Variants in UBE4A observed in about 807,000 individuals in gnomAD.
The protein encoded by UBE4A is ubiquitination factor E4A.
In UBE4A, 48 loss-of-function variants were observed where a neutral mutation model predicts 117.9. That is an observed-to-expected ratio of 0.41 (90% CI 0.32 to 0.52). UBE4A has a LOEUF of 0.52. UBE4A is among the 20% of genes least tolerant of loss of function. The pLI, the probability that UBE4A is intolerant of heterozygous loss-of-function variation, is 0.33. For missense variants in UBE4A, 1,067 were observed against 1,296.3 expected (o/e 0.82, Z 2.72); for synonymous variants, 407 against 450.0 (o/e 0.90, Z 1.21).
chr11:118,372,458 C>G (rs1186921716), intron 5 of UBE4A, 49 bp from the exon 6 acceptor site: 2 of 1,553,700 alleles, frequency 1.3e-6, no homozygotes, highest in Non-Finnish European at 1.7e-6. Context: ...TACTTTCGTT[C>G]CAGATTACAG....
chr11:118,371,684 A>G lies in UBE4A; in HGVS notation c.561+18A>G, dbSNP rs1463301773. On this transcript the variant is annotated intron_variant, in intron 5 of 19. Transcript: ENST00000252108. ...AGGAAGAGGTAAAGGAATAATCCCC[A>G]TTGAATACTGTATTGTCCTCTTGGG... 2.5e-6 allele frequency: 4 copies of G among 1,605,832 alleles called. No individual in the cohort carries two copies. Among genetic ancestry groups the G allele is most frequent in the African/African-American group, 2.7e-5 (2 of 74,808 alleles).
chr11:118,377,083 GATA>G (rs1169195486), intron 10 of UBE4A, among the ~76,000 whole-genome samples: 1 of 152,124 alleles, frequency 6.6e-6, no homozygotes, highest in East Asian at 1.9e-4. Context: ...GAGTCTTACA[GATA>G]TAATCTGAGC....
intron 13 of UBE4A, 119 bp downstream of exon 13, chr11:118,382,895 A>T: frequency 1.1e-6 from 1 of 915,260 alleles, no homozygotes; most frequent in Non-Finnish European, 1.5e-6. Context: ...AATACCTACT[A>T]TATGCCAGGC....
At chr11:118,363,298 T>C (rs1192388484) in intron 1 of UBE4A, among the ~76,000 whole-genome samples, 1 of 152,162 alleles carries the variant, frequency 6.6e-6, no homozygotes, top group Admixed American at 6.5e-5. Flanking sequence ...TTCCAGCACT[T>C]TGGGAGGCCG....
In UBE4A at chr11:118,384,947, T is replaced by TAAA. The variant is rs370025001; in HGVS notation, c.2412+21_2412+23dup. The TAAA allele has an allele frequency of 1.2e-4, 132 of 1,066,970 alleles. No homozygotes were observed. Among genetic ancestry groups the TAAA allele is most frequent in the South Asian group, 1.8e-4 (12 of 66,092 alleles). The allele number at this position is 1,066,970 out of a possible 1,614,324, so 66.1% of individuals were successfully genotyped here. On this transcript the variant is annotated splice_region_variant and intron_variant, in intron 15 of 19. Coordinates refer to ENST00000252108, the MANE Select transcript of UBE4A (RefSeq NM_001204077.2). Reference sequence around the variant, plus strand: ...TTCCTTTTGGATGAAGCCATACAGGTAAAAAAAAAAAAAAAAAAAAAGATT... The same window carrying TAAA: ...TTCCTTTTGGATGAAGCCATACAGGTAAAAAAAAAAAAAAAAAAAAAAAAGATT...
chr11:118,371,615 G>A lies in UBE4A; in HGVS notation c.510G>A (p.Glu170=). 6.2e-7 allele frequency: 1 copy of A among 1,613,812 alleles called. No homozygotes were observed. The highest frequency in any genetic ancestry group is 8.5e-7 in the Non-Finnish European group (1 of 1,180,008). ...LNLSADRDAG[E]RHIFCYLYSC... is the part of the protein sequence containing the mutation. Reference sequence around the variant, plus strand: ...TCTCTGCTGATCGAGATGCAGGAGAGAGGCACATTTTTTGTTACCTTTACT... The same window carrying A: ...TCTCTGCTGATCGAGATGCAGGAGAAAGGCACATTTTTTGTTACCTTTACT... Residue 170 remains glutamate, a synonymous_variant, in exon 5 of 20, where the codon GAG becomes GAA. Transcript: ENST00000252108.
intron 2 of UBE4A, among the ~76,000 whole-genome samples, chr11:118,368,168 GA>G (rs1403456825): frequency 6.6e-6 from 1 of 152,050 alleles, no homozygotes; most frequent in Non-Finnish European, 1.5e-5. Flanking sequence ...CACCAGAAAA[GA>G]AAAAAATTCT....
At position 118,373,127 on chromosome 11, in the gene UBE4A, G is replaced by C. The variant is rs1289642481; in HGVS notation, c.763G>C (p.Ala255Pro). ...VTEFLEEVIE[A>P]LILDEEVRTF... ...TGAGTTTCTGGAAGAGGTCATTGAA[G>C]CCTTGATATTGGATGAGGAAGTTAG... The change falls in exon 7 of 20, where the codon GCC (alanine) becomes CCC (proline). Residue 255 changes from alanine to proline, a missense_variant. By Grantham distance (27) the Ala-to-Pro change is conservative (BLOSUM62 -1). Coordinates refer to ENST00000252108, the MANE Select transcript of UBE4A (RefSeq NM_001204077.2). The C allele has an allele frequency of 6.2e-7, 1 of 1,613,974 alleles. No individual in the cohort carries two copies. Among genetic ancestry groups the C allele is most frequent in the Non-Finnish European group, 8.5e-7 (1 of 1,180,014 alleles).
rs782763821 is a variant in UBE4A, at chr11:118,376,564, CTTCT to C, written c.1451-7_1451-4del. On this transcript the variant is annotated splice_region_variant and splice_polypyrimidine_tract_variant and intron_variant, in intron 9 of 19. Transcript: ENST00000252108. Reference sequence around the variant, plus strand: ...CATTTACCCTCTTTTTTTTTTTTAACTTCTTTGAGGTTTGGACAAAGAAACCTGT... The same window carrying C: ...CATTTACCCTCTTTTTTTTTTTTAACTTGAGGTTTGGACAAAGAAACCTGT... 1.9e-6 allele frequency: 3 copies of C among 1,583,240 alleles called. No individual in the cohort carries two copies. The African/African-American group carries it at 4.1e-5, about 22-fold the overall frequency.
chr11:118,397,832 C>T lies in UBE4A; in HGVS notation c.*1392C>T, dbSNP rs1346088389. The stretch of plus-strand genomic sequence containing the variant: ...TTCAACACAAGTTGCTATAAGCAGT[C>T]CTTGATGGGTTTTTGATTGCATCAG... On this transcript the variant is annotated 3_prime_UTR_variant, in exon 20 of 20. Transcript: ENST00000252108. The T allele has an allele frequency of 6.6e-6, 1 of 152,086 alleles. No homozygotes were observed. The highest frequency in any genetic ancestry group is 6.6e-5 in the Admixed American group (1 of 15,266). The allele number at this position is 152,086 out of a possible 1,614,324, so 9.4% of individuals were successfully genotyped here.
At chr11:118,382,526 G>C in intron 12 of UBE4A, 63 bp from the exon 13 acceptor site, 1 of 1,372,770 alleles carries the variant, frequency 7.3e-7, no homozygotes, top group South Asian at 1.8e-5. Flanking sequence ...TATGTGGAGA[G>C]AACAGAGTCA....
chr11:118,392,051 A>G (rs1948824099), intron 18 of UBE4A, among the ~76,000 whole-genome samples: 1 of 152,214 alleles, frequency 6.6e-6, no homozygotes. Flanking sequence ...TAAAGATTAA[A>G]ATACTATATT....
chr11:118,379,562 G>A lies in UBE4A; in HGVS notation c.1688G>A (p.Arg563Gln), dbSNP rs1270456780. The change falls in exon 11 of 20, where the codon CGA (arginine) becomes CAA (glutamine). Residue 563 changes from arginine to glutamine, a missense_variant. By Grantham distance (43) the Arg-to-Gln change is conservative. Transcript: ENST00000252108. Reference sequence around the variant, plus strand: ...GACAATCTTCGTGAGCAGTTTGAACGACTGATGACCATCTATCTTTCTACC... The same window carrying A: ...GACAATCTTCGTGAGCAGTTTGAACAACTGATGACCATCTATCTTTCTACC... The part of the protein sequence containing the change: ...AADNLREQFE[R>Q]LMTIYLSTKT... 8 of 1,614,088 alleles carry A rather than the reference G, an allele frequency of 5.0e-6. No homozygotes were observed. The highest frequency in any genetic ancestry group is 3.3e-5 in the Admixed American group (2 of 60,006).
At chr11:118,363,741 C>A (rs1948540710) in intron 1 of UBE4A, among the ~76,000 whole-genome samples, 2 of 152,066 alleles carry the variant, frequency 1.3e-5, no homozygotes, top group African/African-American at 4.8e-5. Context: ...CCTCCTGCCT[C>A]CCAAGTAGCT....
intron 1 of UBE4A, among the ~76,000 whole-genome samples, chr11:118,364,344 TA>T (rs1948546023): frequency 6.6e-6 from 1 of 152,136 alleles, no homozygotes; most frequent in Non-Finnish European, 1.5e-5. Context: ...AGTATTATTT[TA>T]AGAAATCAGG....
Position 118,379,866 on chromosome 11 carries a change from G to C in UBE4A, c.1876+116G>C, listed in dbSNP as rs547113845. The C allele has an allele frequency of 4.8e-6, 6 of 1,241,342 alleles. No individual in the cohort carries two copies. In the African/African-American group the frequency reaches 7.6e-5, roughly 16 times the overall value. The allele number at this position is 1,241,342 out of a possible 1,614,324, so 76.9% of individuals were successfully genotyped here. A position where few individuals can be genotyped will look rare whatever the true frequency, so the allele number is the denominator to read the frequency against. On this transcript the variant is annotated intron_variant, in intron 11 of 19. Coordinates refer to ENST00000252108, the MANE Select transcript of UBE4A (RefSeq NM_001204077.2). The stretch of plus-strand genomic sequence containing the variant: ...CTTCGTTATCATTCAGTTGTTTTTG[G>C]AGAAACAACTCAAACTTAGATAATA...
chr11:118,374,684 G>A (rs1035436489), intron 8 of UBE4A, among the ~76,000 whole-genome samples: 5 of 152,146 alleles, frequency 3.3e-5, no homozygotes, highest in South Asian at 4.1e-4. Context: ...CTCTAATACC[G>A]TGTAATGCCA....
Position 118,373,300 on chromosome 11 carries a change from A to G in UBE4A, c.924+12A>G, listed in dbSNP as rs576013274. On this transcript the variant is annotated intron_variant, in intron 7 of 19. Transcript: ENST00000252108. ...AAGATATGGCAAAGGTAGGTCTGAA[A>G]GATGATATGTATTCAGTTGAGCTAG... 3 of 1,610,942 alleles carry G rather than the reference A, an allele frequency of 1.9e-6. No individual in the cohort carries two copies. Among genetic ancestry groups the G allele is most frequent in the South Asian group, 2.2e-5 (2 of 90,852 alleles).
Position 118,386,563 on chromosome 11 carries a change from T to A in UBE4A, c.2538T>A (p.His846Gln). The A allele has an allele frequency of 6.2e-7, 1 of 1,600,494 alleles. No homozygotes were observed. Among genetic ancestry groups the A allele is most frequent in the Non-Finnish European group, 8.5e-7 (1 of 1,175,394 alleles). ...TGTTTGGACAGCTGGCACGTTTCCA[T>A]AACATCATGTCCAATGAAACAATCG... Reference protein sequence around the residue: ...LQMFGQLARFHNIMSNETIGT... With the variant: ...LQMFGQLARFQNIMSNETIGT... The change falls in exon 16 of 20, where the codon CAT becomes CAA. Residue 846 changes from histidine (H) to glutamine (Q), a missense_variant. Physicochemically the swap from His to Gln is conservative, Grantham distance 24. Coordinates refer to ENST00000252108, the MANE Select transcript of UBE4A (RefSeq NM_001204077.2).
Sources: gnomAD v4.1 joint callset for allele counts (sites outside exome capture counted in the v4.1 genomes callset) on GRCh38, gnomAD v4.1.1 for gene constraint, MANE v1.5 for transcripts, NCBI Gene and HGNC (gene_info 2026-07-23, HGNC 2026-07-21) for gene names.